Variants in FCHSD2 observed in about 807,000 individuals in gnomAD.
The protein encoded by FCHSD2 is FCH and double SH3 domains 2.
A neutral mutation model predicts 108.1 loss-of-function variants in FCHSD2; 38 were observed. The observed-to-expected ratio is 0.35, with a 90% confidence interval of 0.27 to 0.46. The LOEUF is 0.46. Among genes scored for constraint, FCHSD2 ranks in the 20% least tolerant of loss-of-function variants. The probability of loss-of-function intolerance (pLI) is 1.00; values close to 1 mark genes in which losing one functional copy is unlikely to be tolerated. For missense variants in FCHSD2, 751 were observed against 897.8 expected (o/e 0.84, Z 2.09); for synonymous variants, 279 against 314.7 (o/e 0.89, Z 1.20).
intron 12 of FCHSD2, among the ~76,000 whole-genome samples, chr11:72,877,059 C>A (rs1198358970): frequency 1.3e-5 from 2 of 151,836 alleles, no homozygotes; most frequent in Non-Finnish European, 2.9e-5. Flanking sequence ...GCAGCCTCAA[C>A]CTCCAGGCTG....
intron 8 of FCHSD2, among the ~76,000 whole-genome samples, chr11:72,946,674 A>G (rs1023009854): frequency 1.4e-4 from 21 of 152,224 alleles, no homozygotes; most frequent in African/African-American, 5.1e-4. Context: ...TACCTTTAAA[A>G]TACGATGGTA....
At chr11:72,913,487 G>A (rs983482775) in intron 9 of FCHSD2, among the ~76,000 whole-genome samples, 4 of 152,046 alleles carry the variant, frequency 2.6e-5, no homozygotes, top group South Asian at 2.1e-4. Context: ...CAGGCTGATC[G>A]CGAACTCCTG....
chr11:73,123,406 C>T (rs1310412858), intron 2 of FCHSD2, among the ~76,000 whole-genome samples: 1 of 152,174 alleles, frequency 6.6e-6, no homozygotes. Flanking sequence ...AAAAGTAGCG[C>T]TCATCCTTAA....
chr11:72,967,316 T>C (rs976098149), intron 8 of FCHSD2, among the ~76,000 whole-genome samples: 12 of 151,010 alleles, frequency 7.9e-5, no homozygotes, highest in African/African-American at 2.4e-4. Flanking sequence ...TAGATGAGAA[T>C]AGAGATAGGC....
At chr11:72,990,382 C>G (rs900548364) in intron 5 of FCHSD2, among the ~76,000 whole-genome samples, 2 of 152,080 alleles carry the variant, frequency 1.3e-5, no homozygotes, top group Non-Finnish European at 2.9e-5. Flanking sequence ...AACCCTCCAC[C>G]CCAAATCAAC....
chr11:73,121,374 A>G (rs565865774), intron 2 of FCHSD2, among the ~76,000 whole-genome samples: 1 of 152,180 alleles, frequency 6.6e-6, no homozygotes, highest in African/African-American at 2.4e-5. Context: ...GATGAAGGAC[A>G]CTTAAAAAGG....
chr11:72,967,884 G>C (rs2135381017), intron 8 of FCHSD2, among the ~76,000 whole-genome samples: 1 of 152,164 alleles, frequency 6.6e-6, no homozygotes, highest in South Asian at 2.1e-4. Flanking sequence ...GAGGTCAGGA[G>C]ATTGAGACCA....
intron 3 of FCHSD2, among the ~76,000 whole-genome samples, chr11:73,040,619 C>T (rs1473290847): frequency 6.6e-6 from 1 of 152,120 alleles, no homozygotes; most frequent in Non-Finnish European, 1.5e-5. Flanking sequence ...TAATTGTACA[C>T]ATTTAAGGGG....
intron 8 of FCHSD2, among the ~76,000 whole-genome samples, chr11:72,963,142 T>A (rs930553396): frequency 6.6e-6 from 1 of 152,176 alleles, no homozygotes; most frequent in Non-Finnish European, 1.5e-5. Context: ...CGTGTGTTTT[T>A]AAAAAAATAT....
intron 2 of FCHSD2, among the ~76,000 whole-genome samples, chr11:73,130,420 G>A (rs564354199): frequency 6.6e-6 from 1 of 152,280 alleles, no homozygotes; most frequent in African/African-American, 2.4e-5. Context: ...CTTAACCCTA[G>A]AGATAAGTAA....
chr11:73,036,510 A>C (rs1460134213), intron 3 of FCHSD2, among the ~76,000 whole-genome samples: 1 of 152,192 alleles, frequency 6.6e-6, no homozygotes, highest in Non-Finnish European at 1.5e-5. Flanking sequence ...AATGGGCATA[A>C]TAATGAAACC....
chr11:72,993,377 A>C (rs1857456098), intron 5 of FCHSD2, among the ~76,000 whole-genome samples: 1 of 152,170 alleles, frequency 6.6e-6, no homozygotes, highest in Non-Finnish European at 1.5e-5. Flanking sequence ...TAGAACTAGA[A>C]ATACCATTTG....
chr11:72,873,313 T>C (rs1854902098), intron 12 of FCHSD2, among the ~76,000 whole-genome samples: 1 of 150,654 alleles, frequency 6.6e-6, no homozygotes, highest in Admixed American at 6.6e-5. Context: ...CAGGCAATGG[T>C]GTGAGACTCT....
intron 2 of FCHSD2, among the ~76,000 whole-genome samples, chr11:73,124,649 A>G (rs1197188192): frequency 1.3e-5 from 2 of 152,036 alleles, no homozygotes; most frequent in African/African-American, 4.8e-5. Context: ...CCAGCTACTC[A>G]GGAGGCTGAG....
intron 2 of FCHSD2, among the ~76,000 whole-genome samples, chr11:73,125,947 T>A (rs1384339531): frequency 6.6e-6 from 1 of 152,208 alleles, no homozygotes; most frequent in Non-Finnish European, 1.5e-5. Context: ...AAACAATGTT[T>A]TAATTGATGG....
At chr11:72,934,836 T>C (rs1308162543) in intron 8 of FCHSD2, among the ~76,000 whole-genome samples, 1 of 152,176 alleles carries the variant, frequency 6.6e-6, no homozygotes, top group Non-Finnish European at 1.5e-5. Context: ...GACACAAATT[T>C]CTAAGGGAAT....
At chr11:72,842,485 T>C (rs1860990652) in intron 17 of FCHSD2, 136 bp downstream of exon 17, 3 of 988,294 alleles carry the variant, frequency 3.0e-6, no homozygotes, top group Admixed American at 2.7e-5. Context: ...CCAAATGCAG[T>C]TGTGCAGACA....
intron 13 of FCHSD2, among the ~76,000 whole-genome samples, chr11:72,853,034 T>C (rs1288349536): frequency 6.6e-6 from 1 of 152,094 alleles, no homozygotes; most frequent in Non-Finnish European, 1.5e-5. Context: ...AAAATAACTA[T>C]TGGGTACTAG....
chr11:72,874,016 C>T (rs1854917857), intron 12 of FCHSD2, among the ~76,000 whole-genome samples: 2 of 152,154 alleles, frequency 1.3e-5, no homozygotes, highest in Admixed American at 1.3e-4. Context: ...AAAAGCATTC[C>T]TCTGGTGTTC....
Sources: gnomAD v4.1 joint callset for allele counts (sites outside exome capture counted in the v4.1 genomes callset) on GRCh38, gnomAD v4.1.1 for gene constraint, MANE v1.5 for transcripts, NCBI Gene and HGNC (gene_info 2026-07-23, HGNC 2026-07-21) for gene names.